PTPRD: variants seen among roughly 807,000 people sequenced by gnomAD.
PTPRD encodes the protein protein tyrosine phosphatase receptor type D.
In PTPRD, 34 loss-of-function variants were observed where a neutral mutation model predicts 214.5. That is an observed-to-expected ratio of 0.16 (90% CI 0.12 to 0.21). The LOEUF (loss-of-function observed/expected upper bound fraction) is 0.21. Ranked by LOEUF, PTPRD falls within the 10% of genes least tolerant of loss-of-function variation. The probability of loss-of-function intolerance (pLI) is 1.00; values close to 1 mark genes in which losing one functional copy is unlikely to be tolerated. For synonymous variants in PTPRD, 1,128 were observed against 845.7 expected, an observed-to-expected ratio of 1.33 and a Z score of -5.79; for missense variants, 2,545 against 2,398.7, an observed-to-expected ratio of 1.06 and a Z score of -1.27.
At chr9:8,842,540 T>C (rs762092369) in intron 11 of PTPRD, among the ~76,000 whole-genome samples, 22 of 152,150 alleles carry the variant, frequency 1.4e-4, no homozygotes, top group Non-Finnish European at 1.9e-4. Context: ...AGAAACCTTA[T>C]ACTTAACTCT....
At chr9:9,366,389 G>T (rs1020338147) in intron 9 of PTPRD, among the ~76,000 whole-genome samples, 2 of 151,394 alleles carry the variant, frequency 1.3e-5, no homozygotes, top group African/African-American at 4.8e-5. Context: ...TTGAGAGTAG[G>T]TCACCTGTGG....
intron 5 of PTPRD, among the ~76,000 whole-genome samples, chr9:9,832,452 A>G (rs375759404): frequency 1.3e-5 from 2 of 151,966 alleles, no homozygotes; most frequent in African/African-American, 4.8e-5. Flanking sequence ...ATAGTCATTT[A>G]CTGTTCCATG....
At chr9:8,961,842 T>C (rs1196451583) in intron 11 of PTPRD, among the ~76,000 whole-genome samples, 2 of 152,100 alleles carry the variant, frequency 1.3e-5, no homozygotes, top group Non-Finnish European at 2.9e-5. Context: ...AAGTACCCCA[T>C]GTGACAGTTT....
intron 9 of PTPRD, among the ~76,000 whole-genome samples, chr9:9,337,825 T>C (rs1201953712): frequency 6.6e-6 from 1 of 152,220 alleles, no homozygotes; most frequent in Non-Finnish European, 1.5e-5. Context: ...TAAGTTTCTC[T>C]ATCATAGGTA....
intron 3 of PTPRD, among the ~76,000 whole-genome samples, chr9:10,259,889 C>T (rs1198653392): frequency 6.6e-6 from 1 of 152,094 alleles, no homozygotes; most frequent in Non-Finnish European, 1.5e-5. Context: ...TGCATGAACT[C>T]CCTCTGTCAT....
At chr9:8,442,317 A>G (rs528399152) in intron 34 of PTPRD, among the ~76,000 whole-genome samples, 14 of 151,970 alleles carry the variant, frequency 9.2e-5, no homozygotes, top group Non-Finnish European at 2.1e-4. Context: ...CCATAGAAAA[A>G]TATTTATCAA....
intron 8 of PTPRD, among the ~76,000 whole-genome samples, chr9:9,482,237 T>C (rs1279387916): frequency 1.3e-5 from 2 of 152,114 alleles, no homozygotes; most frequent in Admixed American, 6.6e-5. Context: ...TACCTGGACA[T>C]TCCTAGATAT....
chr9:9,029,824 G>C (rs1431170537), intron 10 of PTPRD, among the ~76,000 whole-genome samples: 1 of 151,888 alleles, frequency 6.6e-6, no homozygotes, highest in African/African-American at 2.4e-5. Flanking sequence ...ATGTACTTAA[G>C]ACTTCGGTAA....
intron 7 of PTPRD, among the ~76,000 whole-genome samples, chr9:9,638,826 T>C (rs1593813781): frequency 6.6e-6 from 1 of 152,132 alleles, no homozygotes; most frequent in South Asian, 2.1e-4. Context: ...TGGTGTCTGG[T>C]GAGGGTCTGG....
chr9:9,541,031 G>T (rs182433588), intron 8 of PTPRD, among the ~76,000 whole-genome samples: 1 of 151,754 alleles, frequency 6.6e-6, no homozygotes, highest in Admixed American at 6.6e-5. Context: ...CAAATACCTC[G>T]TTCTAGGAGC....
In PTPRD at chr9:9,475,232, A is replaced by G. The variant is rs551312479; in HGVS notation, c.-236-77750T>C. On this transcript the variant is annotated intron_variant, in intron 8 of 45. Coordinates refer to ENST00000381196, the MANE Select transcript of PTPRD (RefSeq NM_002839.4). ...TAGCTAATATATTACGAAATCTGCA[A>G]TTATGTAGGGTTGACTCTCAGAATA... 4.6e-5 allele frequency among the ~76,000 whole-genome samples: 7 copies of G among 152,318 alleles called. No individual in the cohort carries two copies. In the South Asian group the frequency reaches 1.0e-3, roughly 23 times the overall value.
At chr9:10,579,942 T>A (rs1241118962) in intron 2 of PTPRD, among the ~76,000 whole-genome samples, 1 of 152,176 alleles carries the variant, frequency 6.6e-6, no homozygotes, top group East Asian at 1.9e-4. Context: ...CCTTTGTCAA[T>A]GTTCAATGGG....
At chr9:9,505,571 A>G (rs923958054) in intron 8 of PTPRD, among the ~76,000 whole-genome samples, 8 of 151,458 alleles carry the variant, frequency 5.3e-5, no homozygotes, top group African/African-American at 7.3e-5. Flanking sequence ...CTTTAAAGAT[A>G]TGGCTCAAGA....
At chr9:8,831,058 G>C (rs555601814) in intron 11 of PTPRD, among the ~76,000 whole-genome samples, 110 of 152,226 alleles carry the variant, frequency 7.2e-4, no homozygotes, top group African/African-American at 2.5e-3. Flanking sequence ...AAAATCTGTG[G>C]ACTTAGAAGG....
At chr9:10,517,288 G>C (rs2050460942) in intron 2 of PTPRD, among the ~76,000 whole-genome samples, 1 of 151,856 alleles carries the variant, frequency 6.6e-6, no homozygotes, top group South Asian at 2.1e-4. Flanking sequence ...TACCTCCTCA[G>C]TTAAGTTTAT....
At chr9:8,999,405 G>C (rs2099409201) in intron 11 of PTPRD, among the ~76,000 whole-genome samples, 1 of 152,064 alleles carries the variant, frequency 6.6e-6, no homozygotes, top group African/African-American at 2.4e-5. Context: ...ATTATGACTT[G>C]CTGAAGGCTC....
At chr9:10,496,730 G>A (rs1156625157) in intron 2 of PTPRD, among the ~76,000 whole-genome samples, 1 of 151,946 alleles carries the variant, frequency 6.6e-6, no homozygotes, top group African/African-American at 2.4e-5. Flanking sequence ...TTTTGCATAT[G>A]CTTATTGGCT....
chr9:9,693,621 T>C (rs1226910003), intron 7 of PTPRD, among the ~76,000 whole-genome samples: 1 of 152,202 alleles, frequency 6.6e-6, no homozygotes, highest in Non-Finnish European at 1.5e-5. Context: ...TACATGAATG[T>C]TAATATATTT....
chr9:9,724,982 C>T (rs966875238), intron 7 of PTPRD, among the ~76,000 whole-genome samples: 1 of 152,232 alleles, frequency 6.6e-6, no homozygotes, highest in East Asian at 1.9e-4. Context: ...TTTGGTGTCC[C>T]TTCCTGCATT....
Sources: allele counts gnomAD v4.1 joint callset (sites outside exome capture counted in the v4.1 genomes callset), GRCh38; gene constraint gnomAD v4.1.1; transcripts MANE v1.5; gene names NCBI Gene and HGNC (gene_info 2026-07-23, HGNC 2026-07-21).